PRMT8: variants seen among roughly 807,000 people sequenced by gnomAD.
PRMT8 encodes the protein protein arginine methyltransferase 8, also known as protein arginine N-methyltransferase 8.
Under a neutral mutation model 47.1 loss-of-function variants are expected in PRMT8, and 7 were observed. The observed-to-expected ratio is 0.15, with a 90% CI of 0.08 to 0.28. The LOEUF (loss-of-function observed/expected upper bound fraction) is 0.28, where lower values mean the gene tolerates loss of function less well. PRMT8 is among the 10% of genes least tolerant of loss of function. The pLI is 1.00. For synonymous variants in PRMT8, 188 were observed against 186.5 expected, an observed-to-expected ratio of 1.01 and a Z score of -0.07; for missense variants, 237 against 505.4, an observed-to-expected ratio of 0.47 and a Z score of 5.09.
chr12:3,433,818 G>A (rs1014024758), intron 1 of PRMT8, among the ~76,000 whole-genome samples: 1 of 152,166 alleles, frequency 6.6e-6, no homozygotes, highest in Non-Finnish European at 1.5e-5. Context: ...TGCCGTGTTG[G>A]CCAGGCTGGT....
intron 2 of PRMT8, among the ~76,000 whole-genome samples, chr12:3,543,175 C>T (rs1866263651): frequency 6.6e-6 from 1 of 152,186 alleles, no homozygotes; most frequent in South Asian, 2.1e-4. Context: ...AGCTTAAATC[C>T]CTCCTGCTGC....
chr12:3,491,482 GCTGA>G lies in PRMT8; in HGVS notation c.-140_-137del. The G allele has an allele frequency of 6.9e-7, 1 of 1,440,298 alleles. No homozygotes were observed. Among genetic ancestry groups the G allele is most frequent in the Middle Eastern group, 1.9e-4 (1 of 5,354 alleles). 89.2% of individuals were successfully genotyped at this position (1,440,298 alleles called of 1,614,324 possible). Reference sequence around the variant, plus strand: ...AGACTGCAGAACAGACTCCGCTGTGGCTGACTGTGCCGGCCGACGCTCCAGCTGA... The same window carrying G: ...AGACTGCAGAACAGACTCCGCTGTGGCTGTGCCGGCCGACGCTCCAGCTGA... On this transcript the variant is annotated 5_prime_UTR_variant, in exon 1 of 10. An upstream open reading frame in the 5' UTR loses its in-frame stop. Transcript: ENST00000382622.
chr12:3,484,159 GGA>G (rs1401200598), intron 1 of PRMT8, among the ~76,000 whole-genome samples: 1 of 152,186 alleles, frequency 6.6e-6, no homozygotes, highest in Non-Finnish European at 1.5e-5. Context: ...ACAGTGGGAA[GGA>G]GGGGGCGTTC....
chr12:3,434,272 A>C (rs921758514), intron 1 of PRMT8, among the ~76,000 whole-genome samples: 1 of 152,156 alleles, frequency 6.6e-6, no homozygotes, highest in African/African-American at 2.4e-5. Context: ...AAACCCCTGC[A>C]TTGAGCTCGT....
intron 1 of PRMT8, among the ~76,000 whole-genome samples, chr12:3,477,309 T>C (rs1865223586): frequency 6.6e-6 from 1 of 152,230 alleles, no homozygotes; most frequent in Admixed American, 6.5e-5. Flanking sequence ...TTCTAAGTGC[T>C]CCGCACTGGA....
intron 4 of PRMT8, among the ~76,000 whole-genome samples, chr12:3,563,387 G>A (rs1042701055): frequency 1.3e-5 from 2 of 151,904 alleles, no homozygotes; most frequent in African/African-American, 4.8e-5. Context: ...GGCAGGGAGA[G>A]GGGTACTATA....
At chr12:3,563,521 G>A (rs1232682183) in intron 4 of PRMT8, among the ~76,000 whole-genome samples, 3 of 151,970 alleles carry the variant, frequency 2.0e-5, no homozygotes, top group South Asian at 2.1e-4. Flanking sequence ...TAGAGATATC[G>A]ACATCCTTTT....
chr12:3,491,900 TG>T (rs1172380226), intron 1 of PRMT8, among the ~76,000 whole-genome samples, 200 bp downstream of exon 1: 15 of 12,830 alleles, frequency 1.2e-3, no homozygotes, highest in African/African-American at 4.4e-3. Flanking sequence ...TGGTGGGGGG[TG>T]GGGGGGAAGT....
intron 4 of PRMT8, among the ~76,000 whole-genome samples, chr12:3,554,965 A>T (rs1327603831): frequency 2.0e-5 from 3 of 152,178 alleles, no homozygotes; most frequent in Non-Finnish European, 4.4e-5. Flanking sequence ...GCCTGCACAC[A>T]ACACTACAAA....
intron 1 of PRMT8, among the ~76,000 whole-genome samples, chr12:3,443,468 A>G (rs1864825304): frequency 6.6e-6 from 1 of 151,998 alleles, no homozygotes; most frequent in Non-Finnish European, 1.5e-5. Context: ...ACTCACATCC[A>G]ATTCACCATA....
At chr12:3,577,203 G>C (rs566403250) in intron 7 of PRMT8, among the ~76,000 whole-genome samples, 1 of 152,338 alleles carries the variant, frequency 6.6e-6, no homozygotes, top group Admixed American at 6.5e-5. Flanking sequence ...GGATGTGGGA[G>C]GGCCCCAGCA....
chr12:3,476,853 G>T (rs1018143366), intron 1 of PRMT8, among the ~76,000 whole-genome samples: 1 of 152,224 alleles, frequency 6.6e-6, no homozygotes, highest in Admixed American at 6.5e-5. Context: ...TAGGCACTGG[G>T]CTTCGAGTCT....
intron 8 of PRMT8, among the ~76,000 whole-genome samples, chr12:3,589,815 C>T (rs555997292): frequency 6.6e-6 from 1 of 152,266 alleles, no homozygotes; most frequent in East Asian, 1.9e-4. Flanking sequence ...CAAATCTGGG[C>T]CAGGAAGTCT....
At chr12:3,450,977 G>A (rs377694406) in intron 1 of PRMT8, among the ~76,000 whole-genome samples, 35 of 127,560 alleles carry the variant, frequency 2.7e-4, no homozygotes, top group African/African-American at 9.0e-4. Flanking sequence ...GTCAACAAGG[G>A]ACAAAGGCAA....
intron 8 of PRMT8, among the ~76,000 whole-genome samples, chr12:3,587,674 G>A (rs911630271): frequency 6.6e-6 from 1 of 152,134 alleles, no homozygotes; most frequent in Non-Finnish European, 1.5e-5. Flanking sequence ...TCACATGGAT[G>A]TGTGTGCCTA....
At position 3,535,869 on chromosome 12, in the gene PRMT8, G is replaced by A. The variant is rs1021855832; in HGVS notation, c.76-4737G>A. On this transcript the variant is annotated intron_variant, in intron 1 of 9. Coordinates refer to ENST00000382622, the MANE Select transcript of PRMT8 (RefSeq NM_019854.5). This position sits in a 1 kb window ranked among gnomAD's most constrained non-coding sequence, Gnocchi z 4.7. ...CTTCTCAGACTATGTATACAAGATT[G>A]GAGTTTGAAAGTCACCTTCACTCAG... Among the ~76,000 whole-genome samples the A allele has an allele frequency of 1.3e-5, 2 of 152,144 alleles. No individual in the cohort carries two copies. The highest frequency in any genetic ancestry group is 4.8e-5 in the African/African-American group (2 of 41,410).
intron 1 of PRMT8, among the ~76,000 whole-genome samples, chr12:3,482,964 G>T (rs1054652029): frequency 3.3e-5 from 5 of 152,188 alleles, no homozygotes; most frequent in African/African-American, 1.2e-4. Context: ...TTTAAGGCCA[G>T]GTCTGTGTGG....
intron 1 of PRMT8, among the ~76,000 whole-genome samples, chr12:3,422,611 G>T (rs1864556041): frequency 2.0e-5 from 3 of 151,990 alleles, no homozygotes; most frequent in African/African-American, 7.2e-5. Flanking sequence ...AATCAGGACG[G>T]AACAGAACAG....
At chr12:3,484,492 C>G (rs531323557) in intron 1 of PRMT8, among the ~76,000 whole-genome samples, 1 of 152,334 alleles carries the variant, frequency 6.6e-6, no homozygotes, top group Non-Finnish European at 1.5e-5. Flanking sequence ...TGGTTAAATA[C>G]GGTCTTTTAG....
Sources: allele counts gnomAD v4.1 joint callset (sites outside exome capture counted in the v4.1 genomes callset), GRCh38; gene constraint gnomAD v4.1.1; non-coding constraint Gnocchi (gnomAD v3.1); transcripts MANE v1.5; gene names NCBI Gene and HGNC (gene_info 2026-07-23, HGNC 2026-07-21).